The following USP43 variants were observed in gnomAD, a reference collection of about 807,000 sequenced individuals.
The protein encoded by USP43 is ubiquitin specific peptidase 43.
Under a neutral mutation model 90.7 loss-of-function variants are expected in USP43, and 33 were observed. The ratio of observed to expected loss-of-function variants is 0.36; its 90% confidence interval spans 0.28 to 0.49. USP43 has a LOEUF of 0.49. Among genes scored for constraint, USP43 ranks in the 20% least tolerant of loss-of-function variants. The probability of loss-of-function intolerance (pLI) is 0.98; values close to 1 mark genes in which losing one functional copy is unlikely to be tolerated. For missense variants in USP43, 1,274 were observed against 1,476.4 expected (o/e 0.86, Z 2.25); for synonymous variants, 598 against 615.8 (o/e 0.97, Z 0.43).
rs371178252 is a variant in USP43, at chr17:9,715,471, A to C, written c.2335+3339A>C. 7.0e-3 allele frequency among the ~76,000 whole-genome samples: 1,058 copies of C among 152,176 alleles called. 15 individuals are homozygous for C. The highest frequency in any genetic ancestry group is 0.024 in the African/African-American group (1,002 of 41,526). On this transcript the variant is annotated intron_variant, in intron 14 of 14. Coordinates refer to ENST00000285199, the MANE Select transcript of USP43 (RefSeq NM_153210.5). Reference sequence around the variant, plus strand: ...TTGTCTCAAAAAAACAAACAAAAAAACCAGCATTACTATGTAAGAACTGTA... The same window carrying C: ...TTGTCTCAAAAAAACAAACAAAAAACCCAGCATTACTATGTAAGAACTGTA...
intron 12 of USP43, among the ~76,000 whole-genome samples, chr17:9,706,331 T>C (rs1302630718): frequency 6.6e-6 from 1 of 152,242 alleles, no homozygotes; most frequent in Non-Finnish European, 1.5e-5. Context: ...ATTTTTGCCA[T>C]GCAGAAAGTT....
chr17:9,676,490 C>T (rs1913787365), intron 4 of USP43, among the ~76,000 whole-genome samples: 1 of 152,196 alleles, frequency 6.6e-6, no homozygotes, highest in African/African-American at 2.4e-5. Context: ...CTGCCTCAGC[C>T]TCCCAAGTAG....
rs1360195014 is a variant in USP43, at chr17:9,674,023, G to A, written c.741-868G>A. ...GATTTTAGAAAGATTTTGATGTCTG[G>A]ACCCCTCTCTACCCACCTTGAAACA... On this transcript the variant is annotated intron_variant, in intron 3 of 14. Transcript: ENST00000285199. This position sits in a 1 kb window ranked among gnomAD's most constrained non-coding sequence, Gnocchi z 4.4. Among the ~76,000 whole-genome samples the A allele has an allele frequency of 2.0e-5, 3 of 152,056 alleles. No individual in the cohort carries two copies. The highest frequency in any genetic ancestry group is 7.2e-5 in the African/African-American group (3 of 41,390).
At position 9,712,062 on chromosome 17, in the gene USP43, C is replaced by T; in HGVS notation, c.2265C>T (p.Ala755=). The T allele has an allele frequency of 6.2e-7, 1 of 1,612,400 alleles. No homozygotes were observed. Among genetic ancestry groups the T allele is most frequent in the Non-Finnish European group, 8.5e-7 (1 of 1,179,036 alleles). Residue 755 remains alanine, a synonymous_variant, in exon 14 of 15, where the codon GCC becomes GCT. Coordinates refer to ENST00000285199, the MANE Select transcript of USP43 (RefSeq NM_153210.5). ...GAAGCCTGCTGTCCTGGAGCTCTGC[C>T]CCCTGCCCCTCCCTGCCCCAGGTTC... is the stretch of plus-strand genomic sequence containing the variant. ...TRGSLLSWSS[A]PCPSLPQVPD... is the part of the protein sequence containing the mutation.
At chr17:9,681,533 AC>A (rs1177511554) in intron 6 of USP43, among the ~76,000 whole-genome samples, 2 of 117,120 alleles carry the variant, frequency 1.7e-5, no homozygotes, top group Non-Finnish European at 3.6e-5. Context: ...TCACTCTGTC[AC>A]CCAGGCTGGA....
chr17:9,696,558 A>T (rs1243118366), intron 9 of USP43, among the ~76,000 whole-genome samples: 2 of 152,234 alleles, frequency 1.3e-5, no homozygotes, highest in African/African-American at 4.8e-5. Context: ...TAAATGCCTC[A>T]TAGACACTGG....
chr17:9,671,497 G>C (rs148059299), intron 3 of USP43, among the ~76,000 whole-genome samples: 2 of 152,336 alleles, frequency 1.3e-5, no homozygotes, highest in East Asian at 3.9e-4. Flanking sequence ...AGATGTGTGT[G>C]TATTTGGCAG....
chr17:9,706,856 G>A (rs555949478), intron 12 of USP43, among the ~76,000 whole-genome samples: 23 of 151,906 alleles, frequency 1.5e-4, no homozygotes, highest in African/African-American at 4.8e-4. Flanking sequence ...TGTTAGCCAG[G>A]CTGGTCTTGA....
At chr17:9,646,942 G>C (rs528450593) in intron 1 of USP43, 1 of 151,890 alleles carries the variant, frequency 6.6e-6, no homozygotes, top group South Asian at 2.1e-4. Flanking sequence ...TTGCTGCCGG[G>C]TCGTGAGGCT....
In USP43 at chr17:9,652,649, C is replaced by T. The variant is rs1369898801; in HGVS notation, c.505-3754C>T. ...ATGCTGGGATTATAGGTGTGAGCCACCACCCCTGGCCTGTTTCCATAGACT... is the reference window on the plus strand; with the variant it reads ...ATGCTGGGATTATAGGTGTGAGCCATCACCCCTGGCCTGTTTCCATAGACT... On this transcript the variant is annotated intron_variant, in intron 1 of 14. Transcript: ENST00000285199. Among the ~76,000 whole-genome samples the T allele has an allele frequency of 3.5e-4, 53 of 152,070 alleles. 1 individual carries two copies. Among genetic ancestry groups the T allele is most frequent in the Admixed American group, 3.5e-3 (53 of 15,256 alleles).
At position 9,709,716 on chromosome 17, in the gene USP43, A is replaced by T. The variant is rs528106265; in HGVS notation, c.2012-240A>T. Among the ~76,000 whole-genome samples, 1 of 152,098 alleles carries T rather than the reference A, an allele frequency of 6.6e-6. No individual in the cohort carries two copies. Among genetic ancestry groups the T allele is most frequent in the East Asian group, 1.9e-4 (1 of 5,186 alleles). ...GGGTGACAGAGCGAAACTCCGTCTC[A>T]AAAATAAATAAAAATAAATAAATAA... On this transcript the variant is annotated intron_variant, in intron 12 of 14. Transcript: ENST00000285199. The surrounding 1 kb of genome is among the most constrained non-coding windows in gnomAD (Gnocchi z 5.0).
At chr17:9,645,485 C>T, upstream of USP43, 5 of 775,850 alleles carry the variant, frequency 6.4e-6, no homozygotes, top group Non-Finnish European at 3.3e-6. This position sits in a 1 kb window ranked among gnomAD's most constrained non-coding sequence, Gnocchi z 6.8. Flanking sequence ...GGGGCTGCCC[C>T]GCCCTTGGCT....
intron 5 of USP43, among the ~76,000 whole-genome samples, chr17:9,678,964 G>A (rs1402323521): frequency 1.3e-5 from 2 of 151,952 alleles, no homozygotes; most frequent in African/African-American, 4.8e-5. Context: ...GTAACACAAG[G>A]ATCTTGGTAT....
chr17:9,702,843 A>G (rs912389329), intron 12 of USP43, among the ~76,000 whole-genome samples: 22 of 152,314 alleles, frequency 1.4e-4, no homozygotes, highest in Admixed American at 3.3e-4. Context: ...ACAGGCCCCC[A>G]TAGAGAAAGA....
intron 12 of USP43, among the ~76,000 whole-genome samples, chr17:9,702,634 G>A (rs1348125604): frequency 6.6e-6 from 1 of 152,144 alleles, no homozygotes; most frequent in Non-Finnish European, 1.5e-5. Flanking sequence ...TTCAGAGAGT[G>A]TCATGAGGGA....
At chr17:9,652,132 C>T (rs1206124406) in intron 1 of USP43, among the ~76,000 whole-genome samples, 3 of 150,664 alleles carry the variant, frequency 2.0e-5, no homozygotes, top group African/African-American at 7.3e-5. Context: ...TGCCTGTAAT[C>T]CTAGCACTTT....
At chr17:9,673,519 CA>C (rs140036196) in intron 3 of USP43, among the ~76,000 whole-genome samples, 7 of 151,232 alleles carry the variant, frequency 4.6e-5, no homozygotes, top group Non-Finnish European at 8.9e-5. Context: ...CAAAAACAAA[CA>C]AAAAAAAGTT....
chr17:9,669,768 T>A (rs1423354944), intron 3 of USP43: 1 of 151,916 alleles, frequency 6.6e-6, no homozygotes, highest in East Asian at 1.9e-4. Flanking sequence ...GGGCACAGAG[T>A]ATTCCAGGCA....
chr17:9,677,526 C>T (rs961281839), intron 5 of USP43, among the ~76,000 whole-genome samples: 6 of 152,178 alleles, frequency 3.9e-5, no homozygotes, highest in Middle Eastern at 3.2e-3. Flanking sequence ...TCTTTTCAAA[C>T]GAGTCTTAGT....
Sources: gnomAD v4.1 joint callset for allele counts (sites outside exome capture counted in the v4.1 genomes callset) on GRCh38, gnomAD v4.1.1 for gene constraint, Gnocchi (gnomAD v3.1) non-coding constraint, MANE v1.5 for transcripts, NCBI Gene and HGNC (gene_info 2026-07-23, HGNC 2026-07-21) for gene names.